TCEA1: variants seen among roughly 807,000 people sequenced by gnomAD.
TCEA1 encodes transcription elongation factor A protein 1.
Under a neutral mutation model 43.8 loss-of-function variants are expected in TCEA1, and 21 were observed. The ratio of observed to expected loss-of-function variants is 0.48; its 90% CI spans 0.34 to 0.69. The LOEUF is 0.69. Among genes scored for constraint, TCEA1 ranks in the 30% least tolerant of loss-of-function variants. The probability of loss-of-function intolerance (pLI) is 0.01; values close to 1 mark genes in which losing one functional copy is unlikely to be tolerated. For synonymous variants in TCEA1, 104 were observed against 117.5 expected (o/e 0.88, Z 0.75); for missense variants, 250 against 365.1 (o/e 0.68, Z 2.57).
chr8:53,978,652 T>C (rs1380007024), intron 8 of TCEA1: 1 of 157,026 alleles, frequency 6.4e-6, no homozygotes, highest in East Asian at 1.8e-4. Context: ...ATCATTCACT[T>C]CGCCTCATCT....
At position 53,967,361 on chromosome 8, in the gene TCEA1, A is replaced by G. The variant is rs1407563562; in HGVS notation, c.*743T>C. On this transcript the variant is annotated 3_prime_UTR_variant, in exon 10 of 10. Coordinates refer to ENST00000521604, the MANE Select transcript of TCEA1 (RefSeq NM_006756.4). ...ATTTATGAAAAGCCTTCTAAACTACAACAGTGTTCTTCTGCAAAACTAAAA... is the reference window on the plus strand; with the variant it reads ...ATTTATGAAAAGCCTTCTAAACTACGACAGTGTTCTTCTGCAAAACTAAAA... 14 of 199,928 alleles carry G rather than the reference A, an allele frequency of 7.0e-5. No individual in the cohort carries two copies. The highest frequency in any genetic ancestry group is 3.2e-4 in the African/African-American group (14 of 43,488). The allele number at this position is 199,928 out of a possible 1,614,324, so 12.4% of individuals were successfully genotyped here. A position where few individuals can be genotyped will look rare whatever the true frequency, so the allele number is the denominator to read the frequency against.
At position 53,972,678 on chromosome 8, in the gene TCEA1, A is replaced by G. The variant is rs1015921068; in HGVS notation, c.826-2215T>C. Reference sequence around the variant, plus strand: ...AGTTTGAGGATCAGTAGAGCTATTAAGTGTTCCTGAAGATGCCCCAAAAAA... The same window carrying G: ...AGTTTGAGGATCAGTAGAGCTATTAGGTGTTCCTGAAGATGCCCCAAAAAA... On this transcript the variant is annotated intron_variant, in intron 8 of 9. Transcript: ENST00000521604. The G allele has an allele frequency of 2.9e-5, 18 of 631,240 alleles. No individual in the cohort carries two copies. In the East Asian group the frequency reaches 6.0e-4, roughly 21 times the overall value. 39.1% of individuals were successfully genotyped at this position (631,240 alleles called of 1,614,324 possible). A position where few individuals can be genotyped will look rare whatever the true frequency, so the allele number is the denominator to read the frequency against.
At chr8:54,015,105 T>A (rs980873749) in intron 1 of TCEA1, among the ~76,000 whole-genome samples, 1 of 152,232 alleles carries the variant, frequency 6.6e-6, no homozygotes, top group Admixed American at 6.5e-5. Flanking sequence ...AACAGTTACT[T>A]CTTCTATAAT....
In TCEA1 at chr8:53,984,410, G is replaced by C. The variant is rs1365212746; in HGVS notation, c.631C>G (p.Leu211Val). ...AKNPNLRKNVLCGNIPPDLFA... is the reference protein window; with the variant it reads ...AKNPNLRKNVVCGNIPPDLFA... ...AAGTCAGGAGGAATATTCCCACAGA[G>C]GACATTTTTCCTTAAATTTGGATTT... Residue 211 changes from leucine (L) to valine (V), a missense_variant, in exon 7 of 10, where the codon CTC becomes GTC. Physicochemically the swap from Leu to Val is conservative, Grantham distance 32. Around this residue, in one of 4 missense-constraint regions of TCEA1, gnomAD observed 147 missense variants for 160.3 expected, o/e 0.92. Transcript: ENST00000521604. 1 of 1,606,524 alleles carries C rather than the reference G, an allele frequency of 6.2e-7. No homozygotes were observed. Among genetic ancestry groups the C allele is most frequent in the Non-Finnish European group, 8.5e-7 (1 of 1,177,552 alleles).
chr8:53,994,380 C>A (rs943310253), intron 3 of TCEA1, among the ~76,000 whole-genome samples: 16 of 152,100 alleles, frequency 1.1e-4, no homozygotes, highest in African/African-American at 3.9e-4. Flanking sequence ...TTAAAGCATA[C>A]ACAGCAATAT....
At chr8:53,988,533 GA>G (rs1803765361) in intron 4 of TCEA1, among the ~76,000 whole-genome samples, 1 of 152,100 alleles carries the variant, frequency 6.6e-6, no homozygotes, top group Admixed American at 6.5e-5. Flanking sequence ...TTTTAATAGA[GA>G]AAATACCCAT....
chr8:54,022,308 C>T lies in TCEA1; in HGVS notation c.-183G>A. 1.4e-6 allele frequency: 1 copy of T among 693,730 alleles called. No individual in the cohort carries two copies. Among genetic ancestry groups the T allele is most frequent in the Non-Finnish European group, 2.5e-6 (1 of 406,854 alleles). 43.0% of individuals were successfully genotyped at this position (693,730 alleles called of 1,614,324 possible). A position where few individuals can be genotyped will look rare whatever the true frequency, so the allele number is the denominator to read the frequency against. On this transcript the variant is annotated 5_prime_UTR_variant, in exon 1 of 10. Transcript: ENST00000521604. ...GCGGCGGCGGCGGCGGCGGCTCCGG[C>T]TCCTCCTCCCCAGGCAGCGACAATC...
chr8:54,002,173 C>G (rs1403540626), intron 2 of TCEA1, among the ~76,000 whole-genome samples: 1 of 147,946 alleles, frequency 6.8e-6, no homozygotes, highest in Non-Finnish European at 1.5e-5. Flanking sequence ...AAGACTGTCT[C>G]CAAAAAGAAA....
intron 7 of TCEA1, among the ~76,000 whole-genome samples, chr8:53,980,983 GTT>G (rs1213814135): frequency 6.6e-6 from 1 of 152,158 alleles, no homozygotes; most frequent in Non-Finnish European, 1.5e-5. Flanking sequence ...ATATGAAAAC[GTT>G]TTAGTGGCCT....
At chr8:53,996,461 A>C (rs1804054508) in intron 3 of TCEA1, among the ~76,000 whole-genome samples, 1 of 152,268 alleles carries the variant, frequency 6.6e-6, no homozygotes, top group Non-Finnish European at 1.5e-5. Flanking sequence ...AAATGCATTA[A>C]TACAGGTCAA....
chr8:54,005,726 G>A (rs1361190074), intron 2 of TCEA1, among the ~76,000 whole-genome samples: 3 of 151,996 alleles, frequency 2.0e-5, no homozygotes, highest in Non-Finnish European at 2.9e-5. Context: ...CTTAGTTTAA[G>A]CCCTCATCAC....
rs1441579772 is a variant in TCEA1, at chr8:53,967,101, A to G, written c.*1003T>C. ...CTCATGACAGAAAAAGTCAGCAAAT[A>G]AGACTTGGGACAAAATTATTTTCTA... is the stretch of plus-strand genomic sequence containing the variant. On this transcript the variant is annotated 3_prime_UTR_variant, in exon 10 of 10. Coordinates refer to ENST00000521604, the MANE Select transcript of TCEA1 (RefSeq NM_006756.4). 1 of 212,476 alleles carries G rather than the reference A, an allele frequency of 4.7e-6. No individual in the cohort carries two copies. Among genetic ancestry groups the G allele is most frequent in the East Asian group, 7.2e-5 (1 of 13,984 alleles). The allele number at this position is 212,476 out of a possible 1,614,324, so 13.2% of individuals were successfully genotyped here. A position where few individuals can be genotyped will look rare whatever the true frequency, so the allele number is the denominator to read the frequency against.
At chr8:53,983,877 T>C (rs1272644247) in intron 7 of TCEA1, among the ~76,000 whole-genome samples, 3 of 152,186 alleles carry the variant, frequency 2.0e-5, no homozygotes, top group Admixed American at 6.5e-5. Context: ...GGCGGACAGA[T>C]CATCTGGAGG....
intron 8 of TCEA1, chr8:53,973,061 G>C: frequency 1.5e-6 from 1 of 670,236 alleles, no homozygotes. Context: ...TTTTGGACAT[G>C]GATTTTCAAG....
chr8:54,012,421 G>A (rs112558123), intron 1 of TCEA1, among the ~76,000 whole-genome samples: 19,806 of 152,122 alleles, frequency 0.13, 3,407 homozygotes, highest in African/African-American at 0.4. Flanking sequence ...TTAGCTGGGC[G>A]TGGTGGCGGG....
At chr8:54,011,887 T>G (rs111921305) in intron 1 of TCEA1, among the ~76,000 whole-genome samples, 1,601 of 152,296 alleles carry the variant, frequency 0.011, 18 homozygotes, top group Non-Finnish European at 0.018. Flanking sequence ...AAATAAAAAT[T>G]TAAGTTCAAC....
rs575437463 is a variant in TCEA1, at chr8:53,967,395, A to G, written c.*709T>C. On this transcript the variant is annotated 3_prime_UTR_variant, in exon 10 of 10. Transcript: ENST00000521604. Reference sequence around the variant, plus strand: ...CTTCTGCAAAACTAAAACACATTATAAAGTCAAACAGGTAAATTAACAGGA... The same window carrying G: ...CTTCTGCAAAACTAAAACACATTATGAAGTCAAACAGGTAAATTAACAGGA... The G allele has an allele frequency of 6.7e-4, 134 of 200,414 alleles. No homozygotes were observed. The South Asian group carries it at 8.4e-3, about 13-fold the overall frequency. 12.4% of individuals were successfully genotyped at this position (200,414 alleles called of 1,614,324 possible).
At chr8:54,007,707 A>G (rs1044848813) in intron 2 of TCEA1, among the ~76,000 whole-genome samples, 3 of 152,176 alleles carry the variant, frequency 2.0e-5, no homozygotes, top group Admixed American at 6.5e-5. Context: ...TTTTTTCTCA[A>G]TCATGTTCAC....
At chr8:53,996,727 T>A (rs1804062918) in intron 3 of TCEA1, among the ~76,000 whole-genome samples, 1 of 142,136 alleles carries the variant, frequency 7.0e-6, no homozygotes, top group African/African-American at 3.1e-5. Flanking sequence ...ACAAACTATT[T>A]TCATTAAAAA....
Sources: gnomAD v4.1 joint callset for allele counts (sites outside exome capture counted in the v4.1 genomes callset) on GRCh38, gnomAD v4.1.1 for gene constraint, gnomAD v4.1.1 regional missense constraint, MANE v1.5 for transcripts, NCBI Gene and HGNC (gene_info 2026-07-23, HGNC 2026-07-21) for gene names.